Variants in ASZ1 observed in about 807,000 individuals in gnomAD.
The protein encoded by ASZ1 is ankyrin repeat, SAM and basic leucine zipper domain containing 1, also known as ankyrin repeat, SAM and basic leucine zipper domain-containing protein 1.
A neutral mutation model predicts 61.8 loss-of-function variants in ASZ1; 67 were observed. The observed-to-expected ratio is 1.08, with a 90% CI of 0.89 to 1.33. ASZ1 has a LOEUF of 1.33. Ranked by LOEUF, ASZ1 falls within the 40% of genes most tolerant of loss-of-function variation. The probability of loss-of-function intolerance (pLI) is 0.00; values close to 1 mark genes in which losing one functional copy is unlikely to be tolerated. For missense variants in ASZ1, 577 were observed against 554.5 expected (o/e 1.04, Z -0.41); for synonymous variants, 193 against 192.7 (o/e 1.00, Z -0.01).
chr7:117,389,171 A>T (rs900268566), intron 4 of ASZ1, among the ~76,000 whole-genome samples: 19 of 150,550 alleles, frequency 1.3e-4, no homozygotes, highest in African/African-American at 4.4e-4. Context: ...TGGATCCAGA[A>T]GTCTTTTTTT....
intron 4 of ASZ1, among the ~76,000 whole-genome samples, chr7:117,416,439 A>C (rs1157789156): frequency 4.6e-5 from 7 of 152,276 alleles, no homozygotes; most frequent in Admixed American, 2.0e-4. Context: ...TTACCGGAAC[A>C]CTTGTTTTTC....
intron 4 of ASZ1, among the ~76,000 whole-genome samples, chr7:117,395,529 CA>C (rs1796559865): frequency 6.6e-6 from 1 of 152,048 alleles, no homozygotes. Context: ...CGTGTATATT[CA>C]ATCTTCTTTT....
intron 3 of ASZ1, 90 bp from the exon 4 acceptor site, chr7:117,420,364 C>T: frequency 1.2e-6 from 1 of 820,570 alleles, no homozygotes; most frequent in Non-Finnish European, 1.9e-6. Flanking sequence ...TATTATTGCA[C>T]TCTAAAACTC....
Position 117,363,508 on chromosome 7 carries a change from A to G in ASZ1, c.*88T>C. The G allele has an allele frequency of 8.8e-7, 1 of 1,130,328 alleles. No homozygotes were observed. The highest frequency in any genetic ancestry group is 1.2e-6 in the Non-Finnish European group (1 of 861,486). The allele number at this position is 1,130,328 out of a possible 1,614,324, so 70.0% of individuals were successfully genotyped here. A position where few individuals can be genotyped will look rare whatever the true frequency, so the allele number is the denominator to read the frequency against. On this transcript the variant is annotated 3_prime_UTR_variant, in exon 13 of 13. Coordinates refer to ENST00000284629, the MANE Select transcript of ASZ1 (RefSeq NM_130768.3). The stretch of plus-strand genomic sequence containing the variant: ...TATGGAATATTGGCAAAGAATGTAA[A>G]GTTATATTGTGCTGCAAACAGTTAA...
chr7:117,371,250 A>G (rs1796046027), intron 10 of ASZ1, among the ~76,000 whole-genome samples: 1 of 152,220 alleles, frequency 6.6e-6, no homozygotes, highest in Non-Finnish European at 1.5e-5. Flanking sequence ...GTCAGCCTCC[A>G]ATGAAAATAA....
chr7:117,368,505 C>G (rs561020786), intron 11 of ASZ1, 107 bp downstream of exon 11: 2 of 1,477,566 alleles, frequency 1.4e-6, no homozygotes, highest in African/African-American at 1.4e-5. Context: ...GCAGAACAAA[C>G]GATGTAATTT....
Position 117,422,373 on chromosome 7 carries a change from A to T in ASZ1, c.206-14T>A, listed in dbSNP as rs1264320002. ...CTACACTAATGCCTGTCAATATAAA[A>T]ACAAGCTTTTAAAAGCACACTACCA... On this transcript the variant is annotated splice_polypyrimidine_tract_variant and intron_variant, in intron 2 of 12. Transcript: ENST00000284629. The T allele has an allele frequency of 3.1e-6, 5 of 1,608,670 alleles. 1 individual carries two copies. In the South Asian group the frequency reaches 5.6e-5, roughly 18 times the overall value.
At chr7:117,392,814 A>T (rs1215630832) in intron 4 of ASZ1, among the ~76,000 whole-genome samples, 1 of 151,834 alleles carries the variant, frequency 6.6e-6, no homozygotes, top group Non-Finnish European at 1.5e-5. Flanking sequence ...TATTTTAATT[A>T]ATCCAGAAAT....
intron 10 of ASZ1, among the ~76,000 whole-genome samples, chr7:117,374,442 C>G (rs1796102108): frequency 6.6e-6 from 1 of 151,932 alleles, no homozygotes; most frequent in Non-Finnish European, 1.5e-5. Flanking sequence ...GATAACTTAG[C>G]CAGGTAAGGG....
intron 4 of ASZ1, among the ~76,000 whole-genome samples, chr7:117,403,388 C>T (rs1331876036): frequency 2.0e-5 from 3 of 152,166 alleles, no homozygotes; most frequent in South Asian, 2.1e-4. Context: ...TTTTATCATG[C>T]CCCCAAGCCC....
At chr7:117,426,814 G>A (rs376139072) in intron 2 of ASZ1, 22 bp downstream of exon 2, 83 of 1,570,764 alleles carry the variant, frequency 5.3e-5, no homozygotes, top group Non-Finnish European at 6.9e-5. Context: ...GTGTTCAGAT[G>A]AAACTGTCCC....
chr7:117,391,589 G>C (rs1309759023), intron 4 of ASZ1, among the ~76,000 whole-genome samples: 1 of 151,988 alleles, frequency 6.6e-6, no homozygotes, highest in Non-Finnish European at 1.5e-5. Context: ...TATTTTTGTT[G>C]ACTTTGTTGA....
chr7:117,420,099 A>G, intron 4 of ASZ1, 64 bp downstream of exon 4: 1 of 1,195,120 alleles, frequency 8.4e-7, no homozygotes, highest in African/African-American at 1.5e-5. Flanking sequence ...TGATTTTTAA[A>G]AGGCTGATAC....
chr7:117,426,431 G>A (rs771522728), intron 2 of ASZ1, among the ~76,000 whole-genome samples: 15 of 137,096 alleles, frequency 1.1e-4, no homozygotes, highest in Non-Finnish European at 2.1e-4. Context: ...GGAGATTGCA[G>A]TGAGCCAAGA....
rs1430362734 is a variant in ASZ1 at position 117,379,166 on chromosome 7, TATACAC to T, written c.1055+766_1055+771del. Among the ~76,000 whole-genome samples, 386 of 61,656 alleles carry T rather than the reference TATACAC, an allele frequency of 6.3e-3. 2 individuals carry two copies. Among genetic ancestry groups the T allele is most frequent in the African/African-American group, 0.026 (355 of 13,484 alleles). The allele number at this position is 61,656 out of a possible 152,430, so 40.4% of individuals were successfully genotyped here. ...ATATATATATATATATATATATATATATACACACACACACACACACACACACACAAA... is the reference window on the plus strand; with the variant it reads ...ATATATATATATATATATATATATATACACACACACACACACACACACAAA... On this transcript the variant is annotated intron_variant, in intron 10 of 12. Transcript: ENST00000284629.
In ASZ1 at chr7:117,379,655, T is replaced by C. The variant is rs1015049315; in HGVS notation, c.1055+283A>G. On this transcript the variant is annotated intron_variant, in intron 10 of 12. Transcript: ENST00000284629. ...AAGGTATACTATAAAAAGCATGGGA[T>C]TGTTTGTAAGGTTCAATTTAGCAAG... is the stretch of plus-strand genomic sequence containing the variant. 4.0e-5 allele frequency among the ~76,000 whole-genome samples: 6 copies of C among 151,858 alleles called. No homozygotes were observed. In the East Asian group the frequency reaches 7.7e-4, roughly 20 times the overall value.
intron 4 of ASZ1, among the ~76,000 whole-genome samples, chr7:117,411,536 T>C (rs898508369): frequency 3.0e-4 from 45 of 151,838 alleles, no homozygotes; most frequent in African/African-American, 1.0e-3. Context: ...TCTACAAATG[T>C]AAAGTGGAAA....
intron 10 of ASZ1, among the ~76,000 whole-genome samples, chr7:117,378,329 ACT>A (rs1386209358): frequency 6.6e-6 from 1 of 152,174 alleles, no homozygotes; most frequent in Non-Finnish European, 1.5e-5. Flanking sequence ...AACTCCCAAA[ACT>A]CAACATTAAA....
intron 7 of ASZ1, among the ~76,000 whole-genome samples, chr7:117,382,585 G>T: frequency 6.6e-6 from 1 of 152,094 alleles, no homozygotes; most frequent in East Asian, 1.9e-4. Context: ...ATGGGGTAAG[G>T]AGAGAATTAT....
Sources: gnomAD v4.1 joint callset for allele counts (sites outside exome capture counted in the v4.1 genomes callset) on GRCh38, gnomAD v4.1.1 for gene constraint, MANE v1.5 for transcripts, NCBI Gene and HGNC (gene_info 2026-07-23, HGNC 2026-07-21) for gene names.